The following SAMD4A variants were observed in gnomAD, a reference collection of about 807,000 sequenced individuals.
The protein encoded by SAMD4A is sterile alpha motif domain containing 4A.
In SAMD4A, 33 loss-of-function variants were observed where a neutral mutation model predicts 81.3. The ratio of observed to expected loss-of-function variants is 0.41; its 90% CI spans 0.31 to 0.54. The LOEUF is 0.54. Ranked by LOEUF, SAMD4A falls within the 20% of genes least tolerant of loss-of-function variation. The pLI, the probability that SAMD4A is intolerant of heterozygous loss-of-function variation, is 0.37. For missense variants in SAMD4A, 854 were observed against 951.1 expected (o/e 0.90, Z 1.34); for synonymous variants, 389 against 382.1 (o/e 1.02, Z -0.21).
intron 2 of SAMD4A, among the ~76,000 whole-genome samples, chr14:54,637,455 G>A (rs1319394894): frequency 2.7e-5 from 4 of 150,812 alleles, no homozygotes; most frequent in Admixed American, 6.6e-5. Context: ...TTGGCAGAAA[G>A]CCAGGAGAGG....
chr14:54,670,214 T>G (rs1277394343), intron 2 of SAMD4A, among the ~76,000 whole-genome samples: 1 of 152,154 alleles, frequency 6.6e-6, no homozygotes, highest in African/African-American at 2.4e-5. Context: ...GTAAATCTCT[T>G]AGTACATTTT....
In SAMD4A at chr14:54,761,751, A is replaced by T. The variant is rs151232890; in HGVS notation, c.1510+1257A>T. On this transcript the variant is annotated intron_variant, in intron 7 of 12. Coordinates refer to ENST00000554335, the MANE Select transcript of SAMD4A (RefSeq NM_015589.6). ...TCACCCCATTCCCTTCACCTGGGTCATGCCTCCTTCTCCAGGTCTTAGCCA... is the reference window on the plus strand; with the variant it reads ...TCACCCCATTCCCTTCACCTGGGTCTTGCCTCCTTCTCCAGGTCTTAGCCA... Among the ~76,000 whole-genome samples, 1,135 of 152,252 alleles carry T rather than the reference A, an allele frequency of 7.5e-3. 17 individuals carry two copies. The highest frequency in any genetic ancestry group is 0.026 in the African/African-American group (1,084 of 41,518).
At chr14:54,627,788 T>C (rs1409144603) in intron 2 of SAMD4A, among the ~76,000 whole-genome samples, 1 of 152,212 alleles carries the variant, frequency 6.6e-6, no homozygotes, top group Non-Finnish European at 1.5e-5. Flanking sequence ...AAAAGTAATA[T>C]TATGTATAAA....
chr14:54,722,957 AC>A (rs2037299743), intron 3 of SAMD4A, among the ~76,000 whole-genome samples: 1 of 152,140 alleles, frequency 6.6e-6, no homozygotes, highest in Non-Finnish European at 1.5e-5. Flanking sequence ...TCTGCCAATT[AC>A]CTTGACAGCC....
intron 2 of SAMD4A, among the ~76,000 whole-genome samples, chr14:54,685,277 C>CCCG (rs763992121): frequency 3.4e-5 from 5 of 147,036 alleles, no homozygotes; most frequent in Non-Finnish European, 7.5e-5. Flanking sequence ...TCTTCCTGCC[C>CCCG]CCCCCCCCAG....
intron 11 of SAMD4A, among the ~76,000 whole-genome samples, chr14:54,779,526 C>T (rs2038945889): frequency 6.6e-6 from 1 of 152,196 alleles, no homozygotes; most frequent in South Asian, 2.1e-4. Context: ...ACAGAGAAGA[C>T]AGAGGGCTAG....
intron 2 of SAMD4A, among the ~76,000 whole-genome samples, chr14:54,669,437 G>A (rs1046078266): frequency 1.4e-5 from 2 of 141,592 alleles, no homozygotes; most frequent in South Asian, 2.2e-4. Context: ...TAGAAGCAAC[G>A]CTTCTTTCTT....
At chr14:54,613,969 G>A (rs2140277046) in intron 2 of SAMD4A, among the ~76,000 whole-genome samples, 1 of 152,310 alleles carries the variant, frequency 6.6e-6, no homozygotes. Flanking sequence ...GAAACGACCA[G>A]TTGTCAAGTT....
intron 2 of SAMD4A, among the ~76,000 whole-genome samples, chr14:54,631,951 G>A (rs193057446): frequency 1.7e-4 from 26 of 152,284 alleles, no homozygotes; most frequent in East Asian, 7.7e-4. Context: ...GGGCACTACC[G>A]TTCATTCATT....
intron 3 of SAMD4A, chr14:54,702,885 A>G (rs1037684668): frequency 3.0e-6 from 1 of 336,304 alleles, no homozygotes; most frequent in Non-Finnish European, 5.5e-6. Flanking sequence ...AATGCATTTC[A>G]CCCATGTCTT....
chr14:54,626,356 T>A (rs1395168333), intron 2 of SAMD4A, among the ~76,000 whole-genome samples: 1 of 152,180 alleles, frequency 6.6e-6, no homozygotes, highest in Non-Finnish European at 1.5e-5. Context: ...TCTAATTTAG[T>A]GATAATGCTG....
At chr14:54,757,689 C>CA (rs1007524152) in intron 6 of SAMD4A, among the ~76,000 whole-genome samples, 7 of 152,170 alleles carry the variant, frequency 4.6e-5, no homozygotes, top group Admixed American at 1.3e-4. Context: ...GTGATCACCC[C>CA]AGCGTGGCTT....
intron 2 of SAMD4A, among the ~76,000 whole-genome samples, chr14:54,632,650 T>C (rs953538155): frequency 7.2e-5 from 11 of 152,362 alleles, no homozygotes; most frequent in Non-Finnish European, 1.5e-4. Flanking sequence ...TCATTCCTTT[T>C]GCTGGCTGCA....
At chr14:54,722,224 T>G (rs1238065161) in intron 3 of SAMD4A, among the ~76,000 whole-genome samples, 2 of 152,166 alleles carry the variant, frequency 1.3e-5, no homozygotes, top group Non-Finnish European at 2.9e-5. Context: ...GGTCCCATAA[T>G]ATGTCTCAGG....
chr14:54,651,279 G>A (rs1262945451), intron 2 of SAMD4A, among the ~76,000 whole-genome samples: 2 of 152,190 alleles, frequency 1.3e-5, no homozygotes, highest in African/African-American at 4.8e-5. Context: ...TATGGTGTCT[G>A]TCAACTTGCT....
At chr14:54,691,955 AC>A (rs1310018968) in intron 2 of SAMD4A, among the ~76,000 whole-genome samples, 1 of 152,222 alleles carries the variant, frequency 6.6e-6, no homozygotes, top group Non-Finnish European at 1.5e-5. Context: ...CATATTTCAT[AC>A]CTAAATGAGT....
intron 2 of SAMD4A, among the ~76,000 whole-genome samples, chr14:54,675,752 A>G (rs1461108489): frequency 6.6e-6 from 1 of 152,230 alleles, no homozygotes; most frequent in African/African-American, 2.4e-5. Flanking sequence ...GTGAGGCGAG[A>G]GTCACCCTGC....
intron 2 of SAMD4A, among the ~76,000 whole-genome samples, chr14:54,568,731 A>G (rs1181593314): frequency 7.9e-6 from 1 of 125,944 alleles, no homozygotes; most frequent in East Asian, 2.3e-4. Context: ...ATATATATAT[A>G]TATATATATA....
At chr14:54,767,909 C>G (rs971332530) in intron 8 of SAMD4A, among the ~76,000 whole-genome samples, 1 of 152,224 alleles carries the variant, frequency 6.6e-6, no homozygotes, top group Non-Finnish European at 1.5e-5. Context: ...TGGGCTGGCT[C>G]CCATCTGCAG....
Sources: gnomAD v4.1 joint callset for allele counts (sites outside exome capture counted in the v4.1 genomes callset) on GRCh38, gnomAD v4.1.1 for gene constraint, MANE v1.5 for transcripts, NCBI Gene and HGNC (gene_info 2026-07-23, HGNC 2026-07-21) for gene names.